The following FBXO4 variants were observed in gnomAD, a reference collection of about 807,000 sequenced individuals.
FBXO4 encodes the protein F-box protein 4.
FBXO4 carries 36 observed loss-of-function variants against 43.7 expected under a neutral mutation model. The observed-to-expected ratio is 0.82, with a 90% confidence interval of 0.63 to 1.09. FBXO4 has a LOEUF of 1.09. Ranked by LOEUF, FBXO4 falls within the 50% of genes least tolerant of loss-of-function variation. The pLI is 0.00. For synonymous variants in FBXO4, 180 were observed against 165.6 expected (o/e 1.09, Z -0.67); for missense variants, 435 against 474.1 (o/e 0.92, Z 0.77).
At chr5:41,953,930 C>T in the FBXO4 span, among the ~76,000 whole-genome samples, 1 of 152,018 alleles carries the variant, frequency 6.6e-6, no homozygotes, top group South Asian at 2.1e-4. Context: ...GCGAAGAAAA[C>T]CTGAAGAAAA....
At chr5:42,019,504 C>T in the FBXO4 span, among the ~76,000 whole-genome samples, 5 of 152,054 alleles carry the variant, frequency 3.3e-5, no homozygotes, top group Non-Finnish European at 7.4e-5. Flanking sequence ...GCCTGGCCAA[C>T]ATGGTGAAAC....
chr5:41,948,303 T>G, the FBXO4 span, among the ~76,000 whole-genome samples: 1 of 151,904 alleles, frequency 6.6e-6, no homozygotes, highest in East Asian at 1.9e-4. Context: ...GCCCGGCTAA[T>G]TTTTTGTATT....
the FBXO4 span, among the ~76,000 whole-genome samples, chr5:42,037,283 G>A: frequency 6.6e-6 from 1 of 152,016 alleles, no homozygotes; most frequent in Non-Finnish European, 1.5e-5. Context: ...TGAGAGGCAA[G>A]GTTATGAGCA....
Position 41,929,909 on chromosome 5 carries a change from A to T in FBXO4, c.638A>T (p.Gln213Leu), listed in dbSNP as rs1314444259. Residue 213 changes from glutamine to leucine, a missense_variant, in exon 3 of 7, where the codon CAG (glutamine) becomes CTG (leucine). Coordinates refer to ENST00000281623, the MANE Select transcript of FBXO4 (RefSeq NM_012176.3). ...CCAACAGCTGGTTTGCCTCAGAGGCAGATTGATGGTAATTTTCATGTTAAT... is the reference window on the plus strand; with the variant it reads ...CCAACAGCTGGTTTGCCTCAGAGGCTGATTGATGGTAATTTTCATGTTAAT... The part of the protein sequence containing the change: ...LCPTAGLPQR[Q>L]IDGIGSGVNF... The T allele has an allele frequency of 1.9e-6, 3 of 1,605,508 alleles. No individual in the cohort carries two copies. Among genetic ancestry groups the T allele is most frequent in the East Asian group, 4.5e-5 (2 of 44,838 alleles).
At chr5:42,032,325 G>A in the FBXO4 span, among the ~76,000 whole-genome samples, 1 of 152,156 alleles carries the variant, frequency 6.6e-6, no homozygotes, top group East Asian at 1.9e-4. Context: ...AGTCTAGGGA[G>A]TTCCCCCAGG....
At chr5:41,987,524 T>C in the FBXO4 span, among the ~76,000 whole-genome samples, 1 of 152,176 alleles carries the variant, frequency 6.6e-6, no homozygotes. Context: ...AATAAGCTCC[T>C]TGTGAGGAAT....
chr5:41,957,209 A>G, the FBXO4 span, among the ~76,000 whole-genome samples: 2 of 151,778 alleles, frequency 1.3e-5, no homozygotes, highest in Admixed American at 6.6e-5. Context: ...GGTCTATTCT[A>G]TCTTCTTGTT....
intron 3 of FBXO4, among the ~76,000 whole-genome samples, chr5:41,932,067 A>C (rs1290476703): frequency 6.6e-6 from 1 of 152,170 alleles, no homozygotes; most frequent in African/African-American, 2.4e-5. Flanking sequence ...AAGTGTGGCT[A>C]TTAGGTCAAA....
chr5:42,022,282 C>T, the FBXO4 span, among the ~76,000 whole-genome samples: 6 of 152,080 alleles, frequency 3.9e-5, no homozygotes, highest in African/African-American at 1.4e-4. Flanking sequence ...AAGGAACATG[C>T]CAATTCATAT....
intron 2 of FBXO4, among the ~76,000 whole-genome samples, chr5:41,927,737 C>T (rs746790402): frequency 1.3e-4 from 20 of 152,030 alleles, no homozygotes; most frequent in Non-Finnish European, 2.1e-4. Flanking sequence ...CTGGATTCTA[C>T]GAGGGATGCT....
intron 6 of FBXO4, among the ~76,000 whole-genome samples, chr5:41,940,508 C>T (rs1381295865): frequency 5.3e-5 from 8 of 151,600 alleles, no homozygotes; most frequent in African/African-American, 1.7e-4. Flanking sequence ...GTGATCCACC[C>T]GCCATGGCTT....
chr5:41,955,572 G>A, the FBXO4 span, among the ~76,000 whole-genome samples: 1 of 152,140 alleles, frequency 6.6e-6, no homozygotes, highest in East Asian at 1.9e-4. Flanking sequence ...GACAAAGCCT[G>A]GCAGTCACTC....
At chr5:42,008,641 T>C in the FBXO4 span, among the ~76,000 whole-genome samples, 1 of 152,196 alleles carries the variant, frequency 6.6e-6, no homozygotes. Context: ...GAATCTCTTT[T>C]AATCCTCCTG....
At chr5:41,966,092 A>T in the FBXO4 span, among the ~76,000 whole-genome samples, 3 of 152,164 alleles carry the variant, frequency 2.0e-5, no homozygotes, top group Admixed American at 1.3e-4. Flanking sequence ...GTGGGAATTG[A>T]ACAATGAGAA....
chr5:41,981,179 C>A, the FBXO4 span, among the ~76,000 whole-genome samples: 8 of 151,916 alleles, frequency 5.3e-5, no homozygotes, highest in Admixed American at 3.3e-4. Flanking sequence ...ATCCAAATAG[C>A]TATGAAAAGT....
At chr5:42,017,963 AT>A in the FBXO4 span, among the ~76,000 whole-genome samples, 1 of 152,070 alleles carries the variant, frequency 6.6e-6, no homozygotes, top group South Asian at 2.1e-4. Flanking sequence ...ATACTCAGTA[AT>A]TAGATTTCTG....
At position 41,934,196 on chromosome 5, in the gene FBXO4, C is replaced by T. The variant is rs1273165731; in HGVS notation, c.786C>T (p.His262=). 6.2e-7 allele frequency: 1 copy of T among 1,613,882 alleles called. No individual in the cohort carries two copies. The highest frequency in any genetic ancestry group is 1.3e-5 in the African/African-American group (1 of 74,872). ...CAGTTAACAAGATGTTCAGTCGACA[C>T]AATGAAGGTGATGATCAACAAGGAA... ...TSAVNKMFSR[H]NEGDDQQGSR... Residue 262 remains histidine (H), a synonymous_variant, in exon 5 of 7, where the codon CAC becomes CAT. Transcript: ENST00000281623.
At chr5:41,989,013 A>T in the FBXO4 span, among the ~76,000 whole-genome samples, 1 of 152,086 alleles carries the variant, frequency 6.6e-6, no homozygotes, top group African/African-American at 2.4e-5. Context: ...TTAGATTATA[A>T]TGTAAGTCGA....
chr5:41,968,874 C>G, the FBXO4 span, among the ~76,000 whole-genome samples: 2 of 152,216 alleles, frequency 1.3e-5, no homozygotes, highest in African/African-American at 4.8e-5. Context: ...TGCACAAACC[C>G]TCAGTTCATG....
Sources: gnomAD v4.1 joint callset for allele counts (sites outside exome capture counted in the v4.1 genomes callset) on GRCh38, gnomAD v4.1.1 for gene constraint, MANE v1.5 for transcripts, NCBI Gene and HGNC (gene_info 2026-07-23, HGNC 2026-07-21) for gene names.